The following IL1RAPL1 variants were observed in gnomAD, a reference collection of about 807,000 sequenced individuals.
IL1RAPL1 encodes the protein interleukin 1 receptor accessory protein like 1, also known as interleukin-1 receptor accessory protein-like 1.
A neutral mutation model predicts 48.4 loss-of-function variants in IL1RAPL1; 3 were observed. The ratio of observed to expected loss-of-function variants is 0.06; its 90% CI spans 0.03 to 0.16. IL1RAPL1 has a LOEUF of 0.16. IL1RAPL1 is among the 10% of genes least tolerant of loss of function. The pLI is 1.00. For missense variants in IL1RAPL1, 349 were observed against 530.6 expected, an observed-to-expected ratio of 0.66 and a Z score of 3.36; for synonymous variants, 185 against 187.7, an observed-to-expected ratio of 0.99 and a Z score of 0.12.
In IL1RAPL1 at chrX:29,854,975, C is replaced by T. The variant is rs551748312; in HGVS notation, c.779-62489C>T. Among the ~76,000 whole-genome samples the T allele has an allele frequency of 4.5e-5, 5 of 111,115 alleles. No homozygotes were observed. The South Asian group carries it at 1.9e-3, about 42-fold the overall frequency. On this transcript the variant is annotated intron_variant, in intron 6 of 10. Transcript: ENST00000378993. ...CACCTATTTAATTGTTCTGGGCAGG[C>T]ATTTGTATACCTCTTTATGTTCTAT...
At chrX:29,830,312 A>G (rs1210564144) in intron 6 of IL1RAPL1, among the ~76,000 whole-genome samples, 2 of 111,899 alleles carry the variant, frequency 1.8e-5, no homozygotes, top group African/African-American at 6.5e-5. Context: ...AATTCTATTG[A>G]GGGAGCATAT....
At chrX:29,333,515 G>A (rs1188398265) in intron 3 of IL1RAPL1, among the ~76,000 whole-genome samples, 2 of 88,152 alleles carry the variant, frequency 2.3e-5, no homozygotes, top group African/African-American at 8.9e-5. Context: ...CGGACGGGGC[G>A]GCTGGCCAGG....
intron 1 of IL1RAPL1, among the ~76,000 whole-genome samples, chrX:28,632,617 A>G (rs1214260328): frequency 8.9e-6 from 1 of 111,958 alleles, no homozygotes; most frequent in Non-Finnish European, 1.9e-5. Flanking sequence ...TACCATGTCA[A>G]ACATTAAAAT....
At chrX:29,515,848 G>A (rs1045502252) in intron 5 of IL1RAPL1, among the ~76,000 whole-genome samples, 1 of 110,960 alleles carries the variant, frequency 9.0e-6, no homozygotes, top group East Asian at 2.8e-4. Flanking sequence ...CACCACGCCT[G>A]GATGAGTTTT....
chrX:29,323,751 A>C (rs868307286), intron 3 of IL1RAPL1, among the ~76,000 whole-genome samples: 1 of 32,515 alleles, frequency 3.1e-5, no homozygotes, highest in Non-Finnish European at 4.8e-5. Context: ...ATATATATAT[A>C]TATATATATA....
intron 1 of IL1RAPL1, among the ~76,000 whole-genome samples, chrX:28,679,412 T>C (rs1935033194): frequency 8.9e-6 from 1 of 111,780 alleles, no homozygotes; most frequent in South Asian, 3.7e-4. Flanking sequence ...GTTTTGTTTT[T>C]GTTTTTATTT....
intron 5 of IL1RAPL1, among the ~76,000 whole-genome samples, chrX:29,399,767 T>C (rs1433508049): frequency 7.5e-5 from 8 of 106,542 alleles, no homozygotes; most frequent in Non-Finnish European, 1.5e-4. Flanking sequence ...TGCAGTGAGC[T>C]GAGATCGTGC....
At chrX:28,839,167 CAG>C (rs1463585912) in intron 2 of IL1RAPL1, among the ~76,000 whole-genome samples, 1 of 111,403 alleles carries the variant, frequency 9.0e-6, no homozygotes, top group Admixed American at 9.6e-5. Context: ...AACGATGAAA[CAG>C]TGCAAATGAG....
chrX:29,642,788 G>A (rs760848181), intron 5 of IL1RAPL1, among the ~76,000 whole-genome samples: 3 of 111,993 alleles, frequency 2.7e-5, no homozygotes, highest in Non-Finnish European at 5.6e-5. Flanking sequence ...TATGTGCTAC[G>A]GCATGAGAAA....
Position 29,444,321 on chromosome X carries a change from G to A in IL1RAPL1, c.703+45013G>A, listed in dbSNP as rs185846341. Among the ~76,000 whole-genome samples, 393 of 101,720 alleles carry A rather than the reference G, an allele frequency of 3.9e-3. 2 individuals are homozygous for A. Among genetic ancestry groups the A allele is most frequent in the African/African-American group, 0.013 (365 of 27,716 alleles). 88.3% of individuals were successfully genotyped at this position (101,720 alleles called of 115,157 possible). A position where few individuals can be genotyped will look rare whatever the true frequency, so the allele number is the denominator to read the frequency against. On this transcript the variant is annotated intron_variant, in intron 5 of 10. Coordinates refer to ENST00000378993, the MANE Select transcript of IL1RAPL1 (RefSeq NM_014271.4). ...CATGCCATTGCACTCTAGCCTGGGC[G>A]ACAGAGTAAGACTCTGTCTAAAAAA...
At chrX:29,866,289 G>A (rs1931694652) in intron 6 of IL1RAPL1, among the ~76,000 whole-genome samples, 1 of 111,480 alleles carries the variant, frequency 9.0e-6, no homozygotes, top group Non-Finnish European at 1.9e-5. Flanking sequence ...AGGACTGGGG[G>A]CCAGGAGTAA....
intron 6 of IL1RAPL1, among the ~76,000 whole-genome samples, chrX:29,675,251 A>T (rs1926247807): frequency 8.9e-6 from 1 of 112,369 alleles, no homozygotes; most frequent in Non-Finnish European, 1.9e-5. Flanking sequence ...GCACTTGTTA[A>T]AGTCTTTAAA....
chrX:29,439,794 T>A (rs1178423248), intron 5 of IL1RAPL1, among the ~76,000 whole-genome samples: 1 of 109,176 alleles, frequency 9.2e-6, no homozygotes, highest in African/African-American at 3.3e-5. Flanking sequence ...GAATATACTT[T>A]ATAGTACATC....
intron 5 of IL1RAPL1, among the ~76,000 whole-genome samples, chrX:29,620,574 TTAAAATACTGCAATA>T (rs764651114): frequency 3.6e-5 from 4 of 112,177 alleles, no homozygotes; most frequent in Middle Eastern, 4.6e-3. Context: ...TAAAAATGTT[TTAAAATACTGCAATA>T]TTGTTGATAT....
At chrX:29,925,194 C>A (rs1569204934) in intron 8 of IL1RAPL1, among the ~76,000 whole-genome samples, 1 of 110,562 alleles carries the variant, frequency 9.0e-6, no homozygotes, top group African/African-American at 3.3e-5. Context: ...CTCTTTATGG[C>A]AGCATTTCCC....
At chrX:28,853,492 C>T (rs1044232620) in intron 2 of IL1RAPL1, among the ~76,000 whole-genome samples, 21 of 104,541 alleles carry the variant, frequency 2.0e-4, no homozygotes, top group Admixed American at 4.0e-4. Context: ...TGTGTGCGCG[C>T]GCACACACAC....
intron 6 of IL1RAPL1, among the ~76,000 whole-genome samples, chrX:29,777,991 T>C (rs1049037400): frequency 2.7e-5 from 3 of 110,198 alleles, no homozygotes; most frequent in Admixed American, 9.7e-5. Flanking sequence ...ATAATAGTAT[T>C]CATTTATACG....
At chrX:29,263,958 C>T (rs1354666889) in intron 2 of IL1RAPL1, among the ~76,000 whole-genome samples, 1 of 106,540 alleles carries the variant, frequency 9.4e-6, no homozygotes, top group Non-Finnish European at 1.9e-5. Flanking sequence ...TATAGTCTAG[C>T]TCTCCAATTA....
intron 5 of IL1RAPL1, among the ~76,000 whole-genome samples, chrX:29,401,780 G>A (rs761624645): frequency 9.0e-6 from 1 of 110,940 alleles, no homozygotes; most frequent in African/African-American, 3.3e-5. Context: ...ATGGGTGATC[G>A]ATCCTTCCCT....
Sources: gnomAD v4.1 joint callset for allele counts (sites outside exome capture counted in the v4.1 genomes callset) on GRCh38, gnomAD v4.1.1 for gene constraint, MANE v1.5 for transcripts, NCBI Gene and HGNC (gene_info 2026-07-23, HGNC 2026-07-21) for gene names.